Variants in TRDN observed in about 807,000 individuals in gnomAD.
TRDN encodes the protein triadin in skeletal muscle.
Under a neutral mutation model 149.7 loss-of-function variants are expected in TRDN, and 161 were observed. The ratio of observed to expected loss-of-function variants is 1.08; its 90% confidence interval spans 0.95 to 1.23. The LOEUF is 1.23. Among genes scored for constraint, TRDN ranks in the 50% most tolerant of loss-of-function variants. The pLI, the probability that TRDN is intolerant of heterozygous loss-of-function variation, is 0.00. For missense variants in TRDN, 896 were observed against 823.5 expected (o/e 1.09, Z -1.08); for synonymous variants, 294 against 250.5 (o/e 1.17, Z -1.64).
chr6:123,454,501 A>G (rs1333752259), intron 10 of TRDN, among the ~76,000 whole-genome samples: 2 of 152,172 alleles, frequency 1.3e-5, no homozygotes, highest in Admixed American at 6.6e-5. Flanking sequence ...TTCTCAGGTA[A>G]AAGTCTACAC....
At chr6:123,457,867 A>G (rs9401672) in intron 10 of TRDN, among the ~76,000 whole-genome samples, 32,602 of 152,168 alleles carry the variant, frequency 0.21, 4,509 homozygotes, top group East Asian at 0.63. Context: ...TAAAGATTCC[A>G]TTCGTAATCT....
intron 38 of TRDN, among the ~76,000 whole-genome samples, chr6:123,242,059 A>T (rs1181599401): frequency 6.6e-6 from 1 of 152,222 alleles, no homozygotes; most frequent in East Asian, 1.9e-4. Flanking sequence ...TTTCTTTGAT[A>T]TACCAACATC....
chr6:123,321,198 C>T (rs1310444211), intron 23 of TRDN, among the ~76,000 whole-genome samples: 1 of 152,028 alleles, frequency 6.6e-6, no homozygotes, highest in Non-Finnish European at 1.5e-5. Flanking sequence ...CTCAGTGCTT[C>T]CATTTTCACG....
intron 10 of TRDN, among the ~76,000 whole-genome samples, chr6:123,454,015 T>A (rs1356494582): frequency 6.6e-6 from 1 of 151,994 alleles, no homozygotes; most frequent in African/African-American, 2.4e-5. Context: ...TTATTCTAAG[T>A]GAAGTAACTC....
chr6:123,384,577 T>G (rs1252014140), intron 14 of TRDN, among the ~76,000 whole-genome samples: 1 of 152,204 alleles, frequency 6.6e-6, no homozygotes, highest in Non-Finnish European at 1.5e-5. Context: ...GAAAGTTCAA[T>G]ATAATAAATG....
intron 4 of TRDN, among the ~76,000 whole-genome samples, chr6:123,544,242 T>TAC (rs1431866255): frequency 7.1e-4 from 88 of 124,028 alleles, no homozygotes; most frequent in African/African-American, 2.6e-3. Flanking sequence ...TGCACATCTG[T>TAC]ACATACACAC....
intron 24 of TRDN, among the ~76,000 whole-genome samples, chr6:123,306,610 C>T (rs1304718858): frequency 6.6e-6 from 1 of 152,064 alleles, no homozygotes; most frequent in African/African-American, 2.4e-5. Context: ...TCCGAGATAA[C>T]TTGCTGCAAC....
intron 1 of TRDN, among the ~76,000 whole-genome samples, chr6:123,593,173 A>C (rs1301562622): frequency 6.6e-6 from 1 of 152,202 alleles, no homozygotes; most frequent in Non-Finnish European, 1.5e-5. Context: ...CTAGCCCCAA[A>C]ATTGATCACA....
intron 10 of TRDN, among the ~76,000 whole-genome samples, chr6:123,461,084 TATTACCA>T (rs1210708735): frequency 1.3e-5 from 2 of 152,186 alleles, no homozygotes; most frequent in African/African-American, 4.8e-5. Context: ...TCTGGCAGTT[TATTACCA>T]ATCTACCAGC....
At chr6:123,330,638 A>T (rs996133192) in intron 23 of TRDN, among the ~76,000 whole-genome samples, 1 of 151,848 alleles carries the variant, frequency 6.6e-6, no homozygotes, top group South Asian at 2.1e-4. Context: ...TGTTGCTTTA[A>T]TTTTTTTTGA....
intron 16 of TRDN, among the ~76,000 whole-genome samples, chr6:123,381,133 A>C (rs1781704160): frequency 6.6e-6 from 1 of 152,148 alleles, no homozygotes; most frequent in Non-Finnish European, 1.5e-5. Context: ...AAGCCCGTCA[A>C]GAGTATTGTT....
intron 24 of TRDN, among the ~76,000 whole-genome samples, chr6:123,305,143 A>G (rs1353863649): frequency 1.3e-5 from 2 of 152,144 alleles, no homozygotes; most frequent in Admixed American, 6.6e-5. Flanking sequence ...ACATTTTACA[A>G]TATGTCCAAA....
chr6:123,617,980 G>A (rs770765747), intron 1 of TRDN, among the ~76,000 whole-genome samples: 12 of 152,068 alleles, frequency 7.9e-5, no homozygotes, highest in African/African-American at 1.9e-4. Flanking sequence ...CAGGTGATCC[G>A]CCCATCTCGG....
rs1432170970 is a variant in TRDN, at chr6:123,516,159, CT to C, written c.531del (p.Glu178LysfsTer45). On this transcript the variant is annotated frameshift_variant, in exon 6 of 41. Transcript: ENST00000334268. LOFTEE classifies it high-confidence loss of function. Reference protein sequence around the residue: ...KEKGKEKVREKEKPEKKATHK... With the variant: ...KEKGKEKVREXEKPEKKATHK... ...TTCATACCTTTCTTTTCAGGTTTTT[CT>C]TTTTCTCTTACTTTTTCTTTTCCTT... 2.7e-6 allele frequency: 4 copies of C among 1,490,972 alleles called. No homozygotes were observed. The highest frequency in any genetic ancestry group is 1.4e-5 in the African/African-American group (1 of 71,426). The allele number at this position is 1,490,972 out of a possible 1,614,324, so 92.4% of individuals were successfully genotyped here. A position where few individuals can be genotyped will look rare whatever the true frequency, so the allele number is the denominator to read the frequency against.
chr6:123,225,406 A>G (rs1775316364), intron 38 of TRDN, among the ~76,000 whole-genome samples: 1 of 151,778 alleles, frequency 6.6e-6, no homozygotes, highest in South Asian at 2.1e-4. Flanking sequence ...AGAAGCTACC[A>G]TATGATCCAG....
At chr6:123,497,168 CAA>C in intron 9 of TRDN, 23 bp downstream of exon 9, 1 of 1,503,892 alleles carries the variant, frequency 6.6e-7, no homozygotes, top group Non-Finnish European at 8.9e-7. Context: ...TTAAAACAGA[CAA>C]GTACAAGAAT....
At chr6:123,287,204 C>T (rs1777833117) in intron 24 of TRDN, among the ~76,000 whole-genome samples, 1 of 152,104 alleles carries the variant, frequency 6.6e-6, no homozygotes, top group South Asian at 2.1e-4. Context: ...ATACTGGACC[C>T]ATTTCAAATC....
chr6:123,338,455 G>A lies in TRDN; in HGVS notation c.1370-786C>T, dbSNP rs74331422. ...TCTAGTGACACCTGCTTTGGGAAAT[G>A]CAGCTGCCATGTGAGTAATCTAATT... On this transcript the variant is annotated intron_variant, in intron 21 of 40. Coordinates refer to ENST00000334268, the MANE Select transcript of TRDN (RefSeq NM_006073.4). Among the ~76,000 whole-genome samples, 637 of 152,280 alleles carry A rather than the reference G, an allele frequency of 4.2e-3. 3 individuals are homozygous for A. Among genetic ancestry groups the A allele is most frequent in the African/African-American group, 0.014 (600 of 41,574 alleles).
At chr6:123,378,734 G>GC (rs1781605526) in intron 16 of TRDN, among the ~76,000 whole-genome samples, 1 of 152,098 alleles carries the variant, frequency 6.6e-6, no homozygotes, top group South Asian at 2.1e-4. Context: ...TAAGACAAAG[G>GC]CTTTGTGAGG....
Sources: allele counts gnomAD v4.1 joint callset (sites outside exome capture counted in the v4.1 genomes callset), GRCh38; gene constraint gnomAD v4.1.1; transcripts MANE v1.5; gene names NCBI Gene and HGNC (gene_info 2026-07-23, HGNC 2026-07-21).